Variants in MOSMO observed in about 807,000 individuals in gnomAD.
MOSMO encodes modulator of smoothened protein.
Under a neutral mutation model 18.4 loss-of-function variants are expected in MOSMO, and 5 were observed. The ratio of observed to expected loss-of-function variants is 0.27; its 90% CI spans 0.14 to 0.57. MOSMO has a LOEUF of 0.57. Among genes scored for constraint, MOSMO ranks in the 20% least tolerant of loss-of-function variants. The pLI is 0.92. For missense variants in MOSMO, 138 were observed against 211.8 expected (o/e 0.65, Z 2.16); for synonymous variants, 82 against 82.3 (o/e 1.00, Z 0.02).
At chr16:22,018,316 T>C (rs1203661588) in intron 1 of MOSMO, among the ~76,000 whole-genome samples, 2 of 152,202 alleles carry the variant, frequency 1.3e-5, no homozygotes, top group South Asian at 2.1e-4. Flanking sequence ...GTAAGTTGTT[T>C]ACCTGGAACA....
At chr16:22,021,805 A>C (rs879773564) in intron 1 of MOSMO, among the ~76,000 whole-genome samples, 25 of 152,094 alleles carry the variant, frequency 1.6e-4, no homozygotes, top group Admixed American at 1.0e-3. Flanking sequence ...CTCAAAAAAA[A>C]AATATATATA....
intron 1 of MOSMO, among the ~76,000 whole-genome samples, chr16:22,038,250 G>A (rs758877126): frequency 7.9e-5 from 12 of 152,230 alleles, no homozygotes; most frequent in East Asian, 1.9e-4. Context: ...GGAGAGAGAC[G>A]TTTCAGAGAA....
chr16:22,052,277 T>G (rs1044313022), intron 1 of MOSMO, among the ~76,000 whole-genome samples: 2 of 152,176 alleles, frequency 1.3e-5, no homozygotes, highest in Non-Finnish European at 2.9e-5. Context: ...TTAGACAGGA[T>G]GAGGCAGCCC....
chr16:22,071,758 C>T (rs1023997181), intron 1 of MOSMO, among the ~76,000 whole-genome samples: 1 of 152,112 alleles, frequency 6.6e-6, no homozygotes, highest in Non-Finnish European at 1.5e-5. Context: ...GAAACAGCTG[C>T]AGGGTACAGA....
At chr16:22,058,136 AGTT>A (rs1479576392) in intron 1 of MOSMO, among the ~76,000 whole-genome samples, 2 of 152,186 alleles carry the variant, frequency 1.3e-5, no homozygotes, top group African/African-American at 4.8e-5. Flanking sequence ...TGTTAGAAAC[AGTT>A]GTTCTAGGCC....
intron 1 of MOSMO, among the ~76,000 whole-genome samples, chr16:22,033,991 A>C (rs768821313): frequency 3.9e-5 from 6 of 152,336 alleles, no homozygotes; most frequent in African/African-American, 1.4e-4. Context: ...ACTCCAGTAC[A>C]TACTGGTTTT....
At chr16:22,092,628 G>A in the MOSMO span, 1 of 1,550,706 alleles carries the variant, frequency 6.4e-7, no homozygotes. Flanking sequence ...TCCCAAAGAT[G>A]GAGAAATAAA....
At chr16:22,051,116 G>A (rs968526356) in intron 1 of MOSMO, among the ~76,000 whole-genome samples, 1 of 152,068 alleles carries the variant, frequency 6.6e-6, no homozygotes, top group African/African-American at 2.4e-5. Context: ...GGCTGGGCGC[G>A]ATGGCTCATA....
At chr16:22,008,460 G>A in intron 1 of MOSMO, 53 bp downstream of exon 1, 1 of 1,168,784 alleles carries the variant, frequency 8.6e-7, no homozygotes, top group Non-Finnish European at 1.1e-6. Flanking sequence ...GGCGACGCGA[G>A]AGAGGGGAGA....
chr16:22,080,330 A>C (rs1180490721), intron 2 of MOSMO, among the ~76,000 whole-genome samples: 1 of 152,156 alleles, frequency 6.6e-6, no homozygotes, highest in Non-Finnish European at 1.5e-5. Flanking sequence ...GCTTAAGATT[A>C]CACAGCTAGT....
At chr16:22,087,608 A>T (rs1048223906), downstream of MOSMO, 1 of 152,212 alleles carries the variant, frequency 6.6e-6, no homozygotes, top group Non-Finnish European at 1.5e-5. Flanking sequence ...CATTTTCCAT[A>T]ATAAATTGCT....
chr16:22,061,662 T>G (rs1341843761), intron 1 of MOSMO, among the ~76,000 whole-genome samples: 1 of 152,218 alleles, frequency 6.6e-6, no homozygotes, highest in African/African-American at 2.4e-5. Flanking sequence ...AGCACGCTTG[T>G]GCCCACTAGA....
intron 1 of MOSMO, among the ~76,000 whole-genome samples, chr16:22,017,880 A>AC (rs765814405): frequency 4.8e-4 from 73 of 152,258 alleles, no homozygotes; most frequent in Admixed American, 3.9e-3. Context: ...TTTAGAGTTG[A>AC]CAAAAAAAAA....
At chr16:22,049,660 T>A (rs986847402) in intron 1 of MOSMO, among the ~76,000 whole-genome samples, 5 of 152,230 alleles carry the variant, frequency 3.3e-5, no homozygotes, top group African/African-American at 1.2e-4. Flanking sequence ...CTTTATAGTC[T>A]GACTTTGTAT....
chr16:22,087,918 CCCT>C (rs1901216706), downstream of MOSMO, among the ~76,000 whole-genome samples: 1 of 152,118 alleles, frequency 6.6e-6, no homozygotes, highest in South Asian at 2.1e-4. Context: ...ACAAAAAGTT[CCCT>C]CCTCCACAAT....
intron 1 of MOSMO, among the ~76,000 whole-genome samples, chr16:22,009,102 T>C (rs1306045652): frequency 6.6e-6 from 1 of 152,032 alleles, no homozygotes; most frequent in Non-Finnish European, 1.5e-5. Flanking sequence ...CGCTTGGCAA[T>C]GTTTGAGAAG....
intron 2 of MOSMO, among the ~76,000 whole-genome samples, chr16:22,079,007 A>G (rs991224615): frequency 2.0e-5 from 3 of 152,242 alleles, no homozygotes; most frequent in Non-Finnish European, 4.4e-5. Context: ...TTTGTATAAT[A>G]TAAAATAATC....
chr16:22,057,770 C>T (rs984674197), intron 1 of MOSMO, among the ~76,000 whole-genome samples: 3 of 152,098 alleles, frequency 2.0e-5, no homozygotes, highest in African/African-American at 7.2e-5. Flanking sequence ...AACCTATTAA[C>T]AGGAAGAATT....
chr16:22,008,683 G>A (rs1169827405), intron 1 of MOSMO, among the ~76,000 whole-genome samples: 1 of 151,762 alleles, frequency 6.6e-6, no homozygotes, highest in East Asian at 1.9e-4. Context: ...GTCCCGGACC[G>A]GGGAGGAGGG....
Sources: allele counts gnomAD v4.1 joint callset (sites outside exome capture counted in the v4.1 genomes callset), GRCh38; gene constraint gnomAD v4.1.1; transcripts MANE v1.5; gene names NCBI Gene and HGNC (gene_info 2026-07-23, HGNC 2026-07-21).